The following SH2D4B variants were observed in gnomAD, a reference collection of about 807,000 sequenced individuals.
SH2D4B encodes the protein SH2 domain-containing protein 4B.
Under a neutral mutation model 61.5 loss-of-function variants are expected in SH2D4B, and 45 were observed. The ratio of observed to expected loss-of-function variants is 0.73; its 90% CI spans 0.58 to 0.94. The LOEUF is 0.94. Among genes scored for constraint, SH2D4B ranks in the 40% least tolerant of loss-of-function variants. SH2D4B has a pLI of 0.00. For missense variants in SH2D4B, 572 were observed against 574.2 expected, an observed-to-expected ratio of 1.00 and a Z score of 0.04; for synonymous variants, 224 against 220.4, an observed-to-expected ratio of 1.02 and a Z score of -0.14.
At chr10:80,543,674 T>A (rs1841619266) in intron 1 of SH2D4B, among the ~76,000 whole-genome samples, 1 of 152,208 alleles carries the variant, frequency 6.6e-6, no homozygotes, top group South Asian at 2.1e-4. Context: ...CCAGCTGGGC[T>A]CCTGAGTCTG....
In SH2D4B at chr10:80,570,244, A is replaced by G. The variant is rs1339794697; in HGVS notation, c.275A>G (p.Tyr92Cys). 3 of 1,614,026 alleles carry G rather than the reference A, an allele frequency of 1.9e-6. No homozygotes were observed. Among genetic ancestry groups the G allele is most frequent in the Non-Finnish European group, 2.5e-6 (3 of 1,180,032 alleles). ...IMGEGPGDKP[Y>C]EEISEELIAE... is the part of the protein sequence containing the mutation. ...GGAGAAGGCCCTGGTGACAAGCCCT[A>G]CGAAGAGATCTCTGAGGAGCTGATT... The change falls in exon 2 of 8, where the codon TAC (tyrosine) becomes TGC (cysteine). Residue 92 changes from tyrosine to cysteine, a missense_variant. Coordinates refer to ENST00000646907, the MANE Select transcript of SH2D4B (RefSeq NM_001388272.1).
chr10:80,572,977 TATATA>T (rs1842076155), intron 3 of SH2D4B, among the ~76,000 whole-genome samples: 20 of 10,978 alleles, frequency 1.8e-3, no homozygotes, highest in African/African-American at 3.1e-3. Context: ...TATATATATA[TATATA>T]TATATTTTTT....
intron 4 of SH2D4B, among the ~76,000 whole-genome samples, chr10:80,589,146 G>A (rs922067743): frequency 1.3e-5 from 2 of 151,980 alleles, no homozygotes; most frequent in African/African-American, 2.4e-5. Flanking sequence ...TGGGATTACA[G>A]GCACCCGCCA....
intron 5 of SH2D4B, among the ~76,000 whole-genome samples, chr10:80,608,918 C>T (rs763087884): frequency 2.6e-5 from 4 of 152,008 alleles, no homozygotes; most frequent in East Asian, 3.9e-4. Flanking sequence ...CCTCAGAGGG[C>T]GGGGAGGGAG....
At chr10:80,545,636 A>G (rs991923859) in intron 1 of SH2D4B, among the ~76,000 whole-genome samples, 4 of 150,762 alleles carry the variant, frequency 2.7e-5, no homozygotes, top group African/African-American at 7.5e-5. Flanking sequence ...GAGTCCATGG[A>G]TGTTGCTTGC....
At chr10:80,593,343 T>C (rs563499800) in intron 4 of SH2D4B, among the ~76,000 whole-genome samples, 1 of 152,378 alleles carries the variant, frequency 6.6e-6, no homozygotes, top group East Asian at 1.9e-4. Context: ...AGAATGTCTT[T>C]CCATTTATCT....
chr10:80,611,188 A>C (rs1490486110), intron 6 of SH2D4B, among the ~76,000 whole-genome samples: 7 of 150,908 alleles, frequency 4.6e-5, no homozygotes, highest in Non-Finnish European at 7.4e-5. Flanking sequence ...AAAAAAAAAA[A>C]AAAAAAAAAA....
chr10:80,638,294 G>T (rs1840224532), intron 7 of SH2D4B, among the ~76,000 whole-genome samples: 1 of 152,184 alleles, frequency 6.6e-6, no homozygotes, highest in Non-Finnish European at 1.5e-5. Flanking sequence ...GATGACGTTG[G>T]CCTCATAAAA....
intron 4 of SH2D4B, among the ~76,000 whole-genome samples, chr10:80,595,506 T>C (rs1842376158): frequency 6.6e-6 from 1 of 152,178 alleles, no homozygotes; most frequent in Non-Finnish European, 1.5e-5. Flanking sequence ...GGGACCCCTC[T>C]GTGAAACCCT....
At chr10:80,603,823 T>C in intron 5 of SH2D4B, 28 bp downstream of exon 5, 1 of 1,593,640 alleles carries the variant, frequency 6.3e-7, no homozygotes, top group Non-Finnish European at 8.5e-7. Flanking sequence ...GTTGGTGTGG[T>C]TGGGGCAAGG....
chr10:80,551,801 G>A (rs1337136414), intron 1 of SH2D4B, among the ~76,000 whole-genome samples: 1 of 152,212 alleles, frequency 6.6e-6, no homozygotes, highest in Non-Finnish European at 1.5e-5. Flanking sequence ...TTGGGCAGAT[G>A]GGGATGGGGT....
chr10:80,617,665 TTCAGC>T (rs1431222819), intron 6 of SH2D4B, among the ~76,000 whole-genome samples: 2 of 152,344 alleles, frequency 1.3e-5, no homozygotes, highest in East Asian at 3.9e-4. Flanking sequence ...AAAGAGAATT[TTCAGC>T]TCATAAGACT....
intron 1 of SH2D4B, chr10:80,540,953 TG>T (rs1232093618): frequency 1.4e-6 from 2 of 1,476,380 alleles, no homozygotes; most frequent in African/African-American, 1.4e-5. Flanking sequence ...CAGCCCCAGT[TG>T]ATGTCCAGGC....
intron 1 of SH2D4B, among the ~76,000 whole-genome samples, chr10:80,567,234 AC>A (rs1841981317): frequency 6.6e-6 from 1 of 152,180 alleles, no homozygotes; most frequent in Admixed American, 6.5e-5. Context: ...CCCTTCCCTG[AC>A]ATTCCGTGGA....
chr10:80,605,275 A>G (rs1459840935), intron 5 of SH2D4B, among the ~76,000 whole-genome samples: 1 of 134,478 alleles, frequency 7.4e-6, no homozygotes, highest in Non-Finnish European at 1.6e-5. Flanking sequence ...TTCTTATATT[A>G]TCTATTTAGG....
At chr10:80,626,095 ACCTGCAGTATCTGTGCTCATCATTTGTT>A (rs1301155609) in intron 6 of SH2D4B, among the ~76,000 whole-genome samples, 5 of 151,866 alleles carry the variant, frequency 3.3e-5, no homozygotes, top group Non-Finnish European at 7.4e-5. Flanking sequence ...TTTTAGGTTG[ACCTGCAGTATCTGTGCTCATCATTTGTT>A]CCGGTATCTC....
At chr10:80,593,813 T>A (rs1842358618) in intron 4 of SH2D4B, among the ~76,000 whole-genome samples, 1 of 152,140 alleles carries the variant, frequency 6.6e-6, no homozygotes. Context: ...CTATTTTGTT[T>A]TGTTTTGTTT....
chr10:80,636,379 T>G (rs1840168869), intron 7 of SH2D4B, among the ~76,000 whole-genome samples: 2 of 152,238 alleles, frequency 1.3e-5, no homozygotes, highest in Admixed American at 1.3e-4. Context: ...CCACACTGTT[T>G]TCAACAAAGG....
At chr10:80,543,386 GC>G (rs1841613057) in intron 1 of SH2D4B, among the ~76,000 whole-genome samples, 2 of 152,270 alleles carry the variant, frequency 1.3e-5, no homozygotes, top group South Asian at 4.1e-4. Context: ...GCAGTGAGGG[GC>G]TTAGCACCTG....
Sources: allele counts gnomAD v4.1 joint callset (sites outside exome capture counted in the v4.1 genomes callset), GRCh38; gene constraint gnomAD v4.1.1; transcripts MANE v1.5; gene names NCBI Gene and HGNC (gene_info 2026-07-23, HGNC 2026-07-21).